IARS2: variants seen among roughly 807,000 people sequenced by gnomAD.
IARS2 encodes isoleucine--tRNA ligase, mitochondrial.
In IARS2, 56 loss-of-function variants were observed where a neutral mutation model predicts 126.3. The ratio of observed to expected loss-of-function variants is 0.44; its 90% confidence interval spans 0.36 to 0.55. The LOEUF is 0.55. Ranked by LOEUF, IARS2 falls within the 20% of genes least tolerant of loss-of-function variation. The pLI is 0.00. For missense variants in IARS2, 1,127 were observed against 1,245.9 expected (o/e 0.90, Z 1.44); for synonymous variants, 407 against 441.1 (o/e 0.92, Z 0.97).
At chr1:220,126,335 T>G (rs77246949) in intron 13 of IARS2, among the ~76,000 whole-genome samples, 1 of 151,988 alleles carries the variant, frequency 6.6e-6, no homozygotes, top group Non-Finnish European at 1.5e-5. Flanking sequence ...GAGGGTCAAT[T>G]GTTATCTCAT....
At position 220,094,495 on chromosome 1, in the gene IARS2, G is replaced by A. The variant is rs1489882377; in HGVS notation, c.267+12G>A. 1 of 1,576,762 alleles carries A rather than the reference G, an allele frequency of 6.3e-7. No individual in the cohort carries two copies. The highest frequency in any genetic ancestry group is 8.6e-7 in the Non-Finnish European group (1 of 1,163,740). Reference sequence around the variant, plus strand: ...TGGAGATCCAGCAGGTACGGGCCCCGCCTCGGCGCGGGGCCTCCAGAGAGG... The same window carrying A: ...TGGAGATCCAGCAGGTACGGGCCCCACCTCGGCGCGGGGCCTCCAGAGAGG... On this transcript the variant is annotated intron_variant, in intron 1 of 22. Transcript: ENST00000366922.
intron 10 of IARS2, among the ~76,000 whole-genome samples, chr1:220,108,907 CA>C (rs1656743581): frequency 1.5e-5 from 1 of 65,946 alleles, no homozygotes; most frequent in Non-Finnish European, 2.7e-5. Flanking sequence ...TTCTTTATTT[CA>C]AAAAGACACT....
At chr1:220,104,985 A>G (rs533009469) in intron 8 of IARS2, among the ~76,000 whole-genome samples, 56 of 152,360 alleles carry the variant, frequency 3.7e-4, no homozygotes, top group African/African-American at 1.3e-3. Flanking sequence ...CAAGCCAATG[A>G]GAAGTTTAAA....
intron 2 of IARS2, among the ~76,000 whole-genome samples, chr1:220,099,515 A>G (rs1044044094): frequency 6.6e-6 from 1 of 152,176 alleles, no homozygotes; most frequent in African/African-American, 2.4e-5. Flanking sequence ...TGGCTACTAT[A>G]TAAGATACCA....
chr1:220,095,542 C>T (rs192190471), intron 1 of IARS2, among the ~76,000 whole-genome samples: 23 of 152,238 alleles, frequency 1.5e-4, no homozygotes, highest in Middle Eastern at 3.4e-3. Flanking sequence ...TCAAATGTTT[C>T]CTCGTTTAAT....
intron 15 of IARS2, among the ~76,000 whole-genome samples, chr1:220,135,511 C>T (rs994511326): frequency 6.6e-6 from 1 of 152,064 alleles, no homozygotes; most frequent in Admixed American, 6.5e-5. Flanking sequence ...CGGAGCATGC[C>T]ACCATGCCCG....
chr1:220,121,321 G>A (rs78936861), intron 12 of IARS2, among the ~76,000 whole-genome samples: 5,184 of 152,140 alleles, frequency 0.034, 161 homozygotes, highest in African/African-American at 0.084. Context: ...TGCAAATAAA[G>A]TATGTATAAA....
rs1656699169 is a variant in IARS2 at position 220,107,165 on chromosome 1, C to G, written c.1327+14C>G. 1 of 1,559,598 alleles carries G rather than the reference C, an allele frequency of 6.4e-7. No homozygotes were observed. Among genetic ancestry groups the G allele is most frequent in the East Asian group, 2.2e-5 (1 of 44,594 alleles). On this transcript the variant is annotated intron_variant, in intron 10 of 22. Transcript: ENST00000366922. ...GAACTGATGTGGGTGAGCATCATAT[C>G]TGTTGATATCATACATGTTTTCTGA... is the stretch of plus-strand genomic sequence containing the variant.
At chr1:220,099,706 G>A (rs894252858) in intron 2 of IARS2, among the ~76,000 whole-genome samples, 7 of 152,230 alleles carry the variant, frequency 4.6e-5, no homozygotes, top group African/African-American at 1.7e-4. Context: ...TTTCCAAAGA[G>A]TTAAGTAGAA....
rs1335497144 is a variant in IARS2 at position 220,141,830 on chromosome 1, C to T, written c.2442C>T (p.Pro814=). ...TCTATTGTGAAAAGGAAAATGACCC[C>T]AAACGACGCTCTTGTCAGACTGCAT... ...DRLYCEKEND[P]KRRSCQTALV... Residue 814 remains proline (P), a synonymous_variant, in exon 20 of 23, where the codon CCC becomes CCT. Transcript: ENST00000366922. 6.2e-7 allele frequency: 1 copy of T among 1,613,516 alleles called. No homozygotes were observed. The highest frequency in any genetic ancestry group is 2.2e-5 in the East Asian group (1 of 44,802).
chr1:220,101,160 A>G (rs992559319), intron 3 of IARS2, among the ~76,000 whole-genome samples: 7 of 152,064 alleles, frequency 4.6e-5, no homozygotes, highest in Non-Finnish European at 1.0e-4. Context: ...CTTAGATTTG[A>G]TATTCTGATT....
chr1:220,133,461 T>G (rs1367549869), intron 14 of IARS2, among the ~76,000 whole-genome samples: 1 of 152,240 alleles, frequency 6.6e-6, no homozygotes, highest in Non-Finnish European at 1.5e-5. Flanking sequence ...GATTCAGTTA[T>G]TTAAATTTTG....
At chr1:220,122,559 C>G (rs1657071187) in intron 12 of IARS2, among the ~76,000 whole-genome samples, 1 of 152,114 alleles carries the variant, frequency 6.6e-6, no homozygotes, top group Non-Finnish European at 1.5e-5. Context: ...AAATTCAAGC[C>G]CTGGTTTTAA....
In IARS2 at chr1:220,114,390, A is replaced by G. The variant is rs559380837; in HGVS notation, c.1556A>G (p.Tyr519Cys). The stretch of plus-strand genomic sequence containing the variant: ...GTTGAAATGATGGACAGGCGGCCAT[A>G]TTGGTGTATATCAAGGCAAAGAGTT... ...GMVEMMDRRP[Y>C]WCISRQRVWG... Residue 519 changes from tyrosine (Y) to cysteine (C), a missense_variant, in exon 12 of 23, where the codon TAT becomes TGT. Physicochemically the swap from Tyr to Cys is radical, Grantham distance 194. Coordinates refer to ENST00000366922, the MANE Select transcript of IARS2 (RefSeq NM_018060.4). 6.2e-7 allele frequency: 1 copy of G among 1,613,770 alleles called. No individual in the cohort carries two copies. Among genetic ancestry groups the G allele is most frequent in the Admixed American group, 1.7e-5 (1 of 60,022 alleles).
Position 220,094,152 on chromosome 1 carries a change from C to T in IARS2, c.-65C>T, listed in dbSNP as rs536231226. The T allele has an allele frequency of 2.1e-6, 3 of 1,430,258 alleles. No homozygotes were observed. The highest frequency in any genetic ancestry group is 2.6e-5 in the East Asian group (1 of 37,816). 88.6% of individuals were successfully genotyped at this position (1,430,258 alleles called of 1,614,324 possible). On this transcript the variant is annotated 5_prime_UTR_variant, in exon 1 of 23. Transcript: ENST00000366922. ...CTCTTACTCGGCTCCCCTTGGTTTC[C>T]TGGGGTCCTGCCCCTTCAAGCTGGG...
intron 19 of IARS2, 36 bp downstream of exon 19, chr1:220,140,325 G>A (rs539870459): frequency 9.3e-6 from 12 of 1,284,584 alleles, no homozygotes; most frequent in Non-Finnish European, 1.1e-5. Flanking sequence ...CTTAACAATG[G>A]CCAGGTGTGG....
intron 2 of IARS2, among the ~76,000 whole-genome samples, chr1:220,096,739 G>A (rs1656451702): frequency 6.6e-6 from 1 of 152,146 alleles, no homozygotes; most frequent in Admixed American, 6.6e-5. Flanking sequence ...TTTGGTCACT[G>A]AATGGGTCAA....
At chr1:220,112,453 C>T (rs1261766257) in intron 11 of IARS2, among the ~76,000 whole-genome samples, 1 of 152,006 alleles carries the variant, frequency 6.6e-6, no homozygotes, top group African/African-American at 2.4e-5. Context: ...ACTTTTTACC[C>T]CTTAACAATT....
chr1:220,105,639 G>C (rs1331684299), intron 8 of IARS2, among the ~76,000 whole-genome samples: 2 of 152,148 alleles, frequency 1.3e-5, no homozygotes. Flanking sequence ...GGTAGATGCA[G>C]TAAGTATCAA....
Sources: gnomAD v4.1 joint callset for allele counts (sites outside exome capture counted in the v4.1 genomes callset) on GRCh38, gnomAD v4.1.1 for gene constraint, MANE v1.5 for transcripts, NCBI Gene and HGNC (gene_info 2026-07-23, HGNC 2026-07-21) for gene names.